Variants in TMEM178B observed in about 807,000 individuals in gnomAD.
The protein encoded by TMEM178B is transmembrane protein 178B.
In TMEM178B, 5 loss-of-function variants were observed where a neutral mutation model predicts 31.0. The ratio of observed to expected loss-of-function variants is 0.16; its 90% CI spans 0.08 to 0.34. The LOEUF is 0.34. TMEM178B is among the 10% of genes least tolerant of loss of function. The pLI is 1.00. For synonymous variants in TMEM178B, 164 were observed against 164.0 expected, an observed-to-expected ratio of 1.00 and a Z score of 0.00; for missense variants, 275 against 400.3, an observed-to-expected ratio of 0.69 and a Z score of 2.67.
chr7:141,391,865 C>G (rs1800548689), intron 2 of TMEM178B, among the ~76,000 whole-genome samples: 1 of 152,218 alleles, frequency 6.6e-6, no homozygotes, highest in South Asian at 2.1e-4. Flanking sequence ...GAATGTTCTT[C>G]CCTTTAAGGC....
At chr7:141,372,306 C>A (rs1458374453) in intron 2 of TMEM178B, among the ~76,000 whole-genome samples, 1 of 152,136 alleles carries the variant, frequency 6.6e-6, no homozygotes, top group Non-Finnish European at 1.5e-5. Flanking sequence ...ATCCACCATC[C>A]TCTCCTCGCT....
chr7:141,351,192 T>C (rs545674059), intron 2 of TMEM178B, among the ~76,000 whole-genome samples: 1 of 152,380 alleles, frequency 6.6e-6, no homozygotes, highest in South Asian at 2.1e-4. Flanking sequence ...CTTTAGCTTT[T>C]GCTGCAAATG....
At chr7:141,078,748 G>A (rs1175388653) in intron 1 of TMEM178B, among the ~76,000 whole-genome samples, 2 of 152,134 alleles carry the variant, frequency 1.3e-5, no homozygotes, top group African/African-American at 4.8e-5. Context: ...GATAAGGTTT[G>A]GAGGTGGATG....
intron 1 of TMEM178B, among the ~76,000 whole-genome samples, chr7:141,121,996 C>T (rs1795415493): frequency 6.6e-6 from 1 of 152,144 alleles, no homozygotes; most frequent in African/African-American, 2.4e-5. Context: ...GCATTTCCCC[C>T]ACTTAAACCC....
intron 2 of TMEM178B, among the ~76,000 whole-genome samples, chr7:141,390,718 G>C (rs767782747): frequency 6.6e-6 from 1 of 152,164 alleles, no homozygotes; most frequent in African/African-American, 2.4e-5. Context: ...TCCCAGTTAC[G>C]ACCTTTAGCT....
At chr7:141,432,159 T>C (rs1801444308) in intron 2 of TMEM178B, among the ~76,000 whole-genome samples, 1 of 130,372 alleles carries the variant, frequency 7.7e-6, no homozygotes, top group Admixed American at 7.7e-5. Flanking sequence ...TTTTTTTTTT[T>C]TTTTTTTTTT....
chr7:141,447,274 A>G (rs1370919710), intron 3 of TMEM178B, among the ~76,000 whole-genome samples: 1 of 152,050 alleles, frequency 6.6e-6, no homozygotes. Flanking sequence ...GAGGGCTTGG[A>G]GGGCCTATCA....
intron 1 of TMEM178B, among the ~76,000 whole-genome samples, chr7:141,085,426 TTGC>T (rs1010890785): frequency 6.6e-6 from 1 of 152,204 alleles, no homozygotes; most frequent in African/African-American, 2.4e-5. Flanking sequence ...TTTGACAGAT[TTGC>T]TGCTTTTATA....
At chr7:141,287,157 A>G (rs1798460050) in intron 2 of TMEM178B, among the ~76,000 whole-genome samples, 1 of 152,088 alleles carries the variant, frequency 6.6e-6, no homozygotes, top group Admixed American at 6.5e-5. Context: ...TAAATTTCAT[A>G]GATGGTGTGA....
At chr7:141,305,977 A>G (rs969830809) in intron 2 of TMEM178B, among the ~76,000 whole-genome samples, 1 of 151,932 alleles carries the variant, frequency 6.6e-6, no homozygotes, top group Non-Finnish European at 1.5e-5. Flanking sequence ...TACTTGGGTT[A>G]TTTTGTCTGG....
chr7:141,449,546 G>A (rs116301363), intron 3 of TMEM178B, among the ~76,000 whole-genome samples: 4,168 of 152,266 alleles, frequency 0.027, 129 homozygotes, highest in African/African-American at 0.079. Context: ...AAGCCACCGG[G>A]CACCAGGGCA....
At chr7:141,259,527 T>A (rs1350907112) in intron 2 of TMEM178B, among the ~76,000 whole-genome samples, 1 of 152,208 alleles carries the variant, frequency 6.6e-6, no homozygotes, top group Non-Finnish European at 1.5e-5. Flanking sequence ...TGGTGAAAAC[T>A]GGAAATTTTA....
chr7:141,184,906 T>G (rs987500989), intron 1 of TMEM178B, among the ~76,000 whole-genome samples: 1 of 152,214 alleles, frequency 6.6e-6, no homozygotes, highest in Non-Finnish European at 1.5e-5. Flanking sequence ...GACTAGACTT[T>G]AGATATTCTG....
chr7:141,348,304 C>T (rs552635752), intron 2 of TMEM178B, among the ~76,000 whole-genome samples: 55 of 152,304 alleles, frequency 3.6e-4, no homozygotes, highest in African/African-American at 1.2e-3. Flanking sequence ...TTTCTAAACT[C>T]GCCATTGCAG....
chr7:141,213,834 G>A (rs374753231), intron 2 of TMEM178B, among the ~76,000 whole-genome samples: 41 of 152,280 alleles, frequency 2.7e-4, no homozygotes, highest in African/African-American at 8.4e-4. Flanking sequence ...TTGTGGCTGC[G>A]TGTCCAGATG....
chr7:141,145,011 C>T (rs891491726), intron 1 of TMEM178B, among the ~76,000 whole-genome samples: 4 of 152,148 alleles, frequency 2.6e-5, no homozygotes, highest in Admixed American at 2.6e-4. Context: ...GCTATCTGAC[C>T]TTTAGCTCTG....
chr7:141,164,736 A>G (rs1548777), intron 1 of TMEM178B, among the ~76,000 whole-genome samples: 112,663 of 152,000 alleles, frequency 0.74, 42,427 homozygotes, highest in African/African-American at 0.85. Flanking sequence ...TCTCTTTTTC[A>G]TAAGAAAAAG....
intron 2 of TMEM178B, among the ~76,000 whole-genome samples, chr7:141,360,263 GT>G (rs1432295090): frequency 6.6e-6 from 1 of 152,216 alleles, no homozygotes; most frequent in Non-Finnish European, 1.5e-5. Flanking sequence ...GGGATGGCAG[GT>G]TCTTCCTGCA....
chr7:141,233,279 A>G (rs1797475952), intron 2 of TMEM178B, among the ~76,000 whole-genome samples: 3 of 152,218 alleles, frequency 2.0e-5, no homozygotes, highest in Admixed American at 6.5e-5. Flanking sequence ...CATAGTAGGC[A>G]TGAAAGACAT....
Sources: allele counts gnomAD v4.1 joint callset (sites outside exome capture counted in the v4.1 genomes callset), GRCh38; gene constraint gnomAD v4.1.1; transcripts MANE v1.5; gene names NCBI Gene and HGNC (gene_info 2026-07-23, HGNC 2026-07-21).